Variants in NFIC observed in about 807,000 individuals in gnomAD.
NFIC encodes the protein nuclear factor 1 C-type.
Under a neutral mutation model 54.4 loss-of-function variants are expected in NFIC, and 12 were observed. The observed-to-expected ratio is 0.22, with a 90% CI of 0.14 to 0.36. The LOEUF (loss-of-function observed/expected upper bound fraction) is 0.36. Among genes scored for constraint, NFIC ranks in the 10% least tolerant of loss-of-function variants. The pLI is 1.00. For synonymous variants in NFIC, 322 were observed against 319.2 expected (o/e 1.01, Z -0.09); for missense variants, 575 against 718.2 (o/e 0.80, Z 2.28).
intron 2 of NFIC, among the ~76,000 whole-genome samples, chr19:3,417,819 T>C (rs1454562465): frequency 6.7e-6 from 1 of 150,228 alleles, no homozygotes; most frequent in South Asian, 2.1e-4. Context: ...TATTTTTTTT[T>C]AGTAGAGATG....
At chr19:3,437,646 AAAG>A (rs549339358) in intron 6 of NFIC, among the ~76,000 whole-genome samples, 10,914 of 143,744 alleles carry the variant, frequency 0.076, 535 homozygotes, top group South Asian at 0.15. Context: ...AAAAAAAAAA[AAAG>A]AAAAAAAAAG....
chr19:3,462,656 GT>G, intron 10 of NFIC, 95 bp from the exon 11 acceptor site: 2 of 1,384,328 alleles, frequency 1.4e-6, no homozygotes, highest in Non-Finnish European at 2.0e-6. Context: ...GGGGGTGAGC[GT>G]GGGAAGAGGT....
chr19:3,442,090 C>T (rs2082302722), intron 6 of NFIC, among the ~76,000 whole-genome samples: 2 of 152,320 alleles, frequency 1.3e-5, no homozygotes, highest in Admixed American at 1.3e-4. Context: ...CCAGGCAAGA[C>T]CCCCACCCCA....
intron 1 of NFIC, among the ~76,000 whole-genome samples, chr19:3,367,230 AG>A (rs1197861213): frequency 4.0e-5 from 6 of 151,732 alleles, no homozygotes; most frequent in Non-Finnish European, 8.8e-5. Flanking sequence ...GTGTGCATGG[AG>A]GGGGAGGGGG....
At chr19:3,404,198 G>A (rs2081605123) in intron 2 of NFIC, among the ~76,000 whole-genome samples, 1 of 132,806 alleles carries the variant, frequency 7.5e-6, no homozygotes, top group African/African-American at 2.9e-5. Flanking sequence ...GTGGGGGTGT[G>A]GGGAGGCCTC....
intron 2 of NFIC, among the ~76,000 whole-genome samples, chr19:3,398,642 T>G (rs1273521295): frequency 6.6e-6 from 1 of 152,120 alleles, no homozygotes; most frequent in African/African-American, 2.4e-5. Flanking sequence ...GGACCCGGGC[T>G]GTACCCTGTG....
In NFIC at chr19:3,413,628, TACTC is replaced by T. The variant is rs537581615; in HGVS notation, c.563-11474_563-11471del. On this transcript the variant is annotated intron_variant, in intron 2 of 10. Transcript: ENST00000443272. ...TGCAGCCGAACCTAGTCAAAGGAAT[TACTC>T]ACTGCGCATTAATTTGTTGTTTTTT... is the stretch of plus-strand genomic sequence containing the variant. 3.8e-3 allele frequency among the ~76,000 whole-genome samples: 573 copies of T among 152,176 alleles called. 3 individuals are homozygous for T. The highest frequency in any genetic ancestry group is 0.013 in the African/African-American group (526 of 41,526).
intron 2 of NFIC, among the ~76,000 whole-genome samples, chr19:3,394,949 G>T (rs1199916771): frequency 2.0e-5 from 3 of 152,052 alleles, no homozygotes; most frequent in Non-Finnish European, 2.9e-5. Flanking sequence ...CGGTCCCTGG[G>T]GCCAAGAAGG....
chr19:3,426,826 T>C (rs2082034624), intron 3 of NFIC, among the ~76,000 whole-genome samples: 3 of 152,142 alleles, frequency 2.0e-5, no homozygotes, highest in African/African-American at 7.2e-5. Flanking sequence ...TGCTCGCTTG[T>C]TCTCTCCAGA....
chr19:3,463,774 G>C lies in NFIC; in HGVS notation c.*1005G>C, dbSNP rs2082676505. 1 of 985,326 alleles carries C rather than the reference G, an allele frequency of 1.0e-6. No homozygotes were observed. The highest frequency in any genetic ancestry group is 1.2e-6 in the Non-Finnish European group (1 of 830,030). The allele number at this position is 985,326 out of a possible 1,614,324, so 61.0% of individuals were successfully genotyped here. The stretch of plus-strand genomic sequence containing the variant: ...GGACACCCAGAGCTCCCCGAGTTGG[G>C]GGTGCCCGTCTGGAGCGCCCCCGTC... On this transcript the variant is annotated 3_prime_UTR_variant, in exon 11 of 11. Transcript: ENST00000443272.
At chr19:3,461,821 C>A (rs2082642613) in intron 10 of NFIC, among the ~76,000 whole-genome samples, 1 of 151,874 alleles carries the variant, frequency 6.6e-6, no homozygotes. Flanking sequence ...TTTGGGAGGC[C>A]GAGGCGGGCG....
intron 1 of NFIC, among the ~76,000 whole-genome samples, chr19:3,374,078 G>A (rs1199862083): frequency 6.6e-6 from 1 of 152,200 alleles, no homozygotes; most frequent in African/African-American, 2.4e-5. Flanking sequence ...TGCTAAGTAG[G>A]TAATGAGCTA....
intron 9 of NFIC, among the ~76,000 whole-genome samples, chr19:3,456,348 A>G (rs2082554678): frequency 6.6e-6 from 1 of 152,068 alleles, no homozygotes; most frequent in Non-Finnish European, 1.5e-5. Flanking sequence ...TCGAGTCAGG[A>G]TCCCCGCCTC....
chr19:3,416,753 A>T (rs1161936810), intron 2 of NFIC, among the ~76,000 whole-genome samples: 1 of 150,708 alleles, frequency 6.6e-6, no homozygotes, highest in African/African-American at 2.4e-5. Flanking sequence ...CGAACTCCTG[A>T]CCTCAGGTGA....
chr19:3,368,069 G>C (rs969242982), intron 1 of NFIC, among the ~76,000 whole-genome samples: 1 of 151,602 alleles, frequency 6.6e-6, no homozygotes, highest in Non-Finnish European at 1.5e-5. Flanking sequence ...GCAGCTTTGG[G>C]GGGGGGGTTC....
rs936616464 is a variant in NFIC, at chr19:3,375,388, G to A, written c.31-6324G>A. Reference sequence around the variant, plus strand: ...GTGCCCCCCACCACCCCCACTGCCCGGCTTCCCTGGCCAGACCATCTGGGC... The same window carrying A: ...GTGCCCCCCACCACCCCCACTGCCCAGCTTCCCTGGCCAGACCATCTGGGC... On this transcript the variant is annotated intron_variant, in intron 1 of 10. Coordinates refer to ENST00000443272, the MANE Select transcript of NFIC (RefSeq NM_001245002.2). This position sits in a 1 kb window ranked among gnomAD's most constrained non-coding sequence, Gnocchi z 4.6. Among the ~76,000 whole-genome samples, 3 of 151,602 alleles carry A rather than the reference G, an allele frequency of 2.0e-5. No homozygotes were observed. The highest frequency in any genetic ancestry group is 6.6e-5 in the Admixed American group (1 of 15,220).
At chr19:3,384,046 A>G (rs1170240404) in intron 2 of NFIC, among the ~76,000 whole-genome samples, 1 of 134,694 alleles carries the variant, frequency 7.4e-6, no homozygotes, top group Non-Finnish European at 1.6e-5. Flanking sequence ...AGAGTTACCC[A>G]GTGTTTTTTT....
chr19:3,456,740 T>C (rs2240665), intron 10 of NFIC, 105 bp downstream of exon 10: 446,667 of 1,131,944 alleles, frequency 0.39, 101,015 homozygotes, highest in African/African-American at 0.8. Flanking sequence ...GCCACACCCC[T>C]GGCACAGGGG....
At chr19:3,394,749 T>C (rs2081435873) in intron 2 of NFIC, among the ~76,000 whole-genome samples, 1 of 151,804 alleles carries the variant, frequency 6.6e-6, no homozygotes, top group Admixed American at 6.6e-5. Context: ...TCACCTGAGC[T>C]CCACCTCCCG....
Sources: allele counts gnomAD v4.1 joint callset (sites outside exome capture counted in the v4.1 genomes callset), GRCh38; gene constraint gnomAD v4.1.1; non-coding constraint Gnocchi (gnomAD v3.1); transcripts MANE v1.5; gene names NCBI Gene and HGNC (gene_info 2026-07-23, HGNC 2026-07-21).